Variants in ICE2 observed in about 807,000 individuals in gnomAD.
ICE2 encodes the protein interactor of little elongation complex ELL subunit 2.
In ICE2, 87 loss-of-function variants were observed where a neutral mutation model predicts 105.4. The observed-to-expected ratio is 0.83, with a 90% confidence interval of 0.69 to 0.99. The LOEUF (loss-of-function observed/expected upper bound fraction) is 0.99. Among genes scored for constraint, ICE2 ranks in the 50% least tolerant of loss-of-function variants. ICE2 has a pLI of 0.00. For missense variants in ICE2, 1,323 were observed against 1,146.7 expected (o/e 1.15, Z -2.22); for synonymous variants, 399 against 392.0 (o/e 1.02, Z -0.21).
intron 12 of ICE2, among the ~76,000 whole-genome samples, 166 bp from the exon 13 acceptor site, chr15:60,436,393 A>G (rs2063587641): frequency 1.3e-5 from 2 of 152,188 alleles, no homozygotes; most frequent in Non-Finnish European, 2.9e-5. Context: ...AAGTAAAGCT[A>G]TATTTTAAAA....
intron 5 of ICE2, among the ~76,000 whole-genome samples, chr15:60,461,668 G>A (rs566891735): frequency 5.3e-5 from 8 of 152,270 alleles, no homozygotes; most frequent in Admixed American, 5.2e-4. Context: ...TGTTGTGAGT[G>A]TAATGTGGGA....
At chr15:60,438,738 C>A (rs2063651573) in intron 12 of ICE2, 1 of 152,220 alleles carries the variant, frequency 6.6e-6, no homozygotes, top group Non-Finnish European at 1.5e-5. Flanking sequence ...GAGTTCACAA[C>A]TCTCTCAACA....
In ICE2 at chr15:60,422,760, A is replaced by G. The variant is rs992689919; in HGVS notation, c.*874T>C. 3 of 151,882 alleles carry G rather than the reference A, an allele frequency of 2.0e-5. No homozygotes were observed. Among genetic ancestry groups the G allele is most frequent in the Admixed American group, 2.0e-4 (3 of 15,222 alleles). 9.4% of individuals were successfully genotyped at this position (151,882 alleles called of 1,614,324 possible). ...AGGATGAGGCAGGAGAATCGCTTTA[A>G]TCCAGGAGGTGGATGTTGTGGTGAG... On this transcript the variant is annotated 3_prime_UTR_variant, in exon 16 of 16. Transcript: ENST00000261520.
chr15:60,453,591 A>C lies in ICE2; in HGVS notation c.1125+12T>G. 1 of 1,609,782 alleles carries C rather than the reference A, an allele frequency of 6.2e-7. No individual in the cohort carries two copies. Among genetic ancestry groups the C allele is most frequent in the African/African-American group, 1.3e-5 (1 of 74,760 alleles). On this transcript the variant is annotated intron_variant, in intron 9 of 15. Transcript: ENST00000261520. ...TACATTCCCCTTAGGGGAAAAAAAAAGCATTACATACGTCCATTTCAGATA... is the reference window on the plus strand; with the variant it reads ...TACATTCCCCTTAGGGGAAAAAAAACGCATTACATACGTCCATTTCAGATA...
rs1213668745 is a variant in ICE2 at position 60,455,096 on chromosome 15, T to G, written c.850A>C (p.Ser284Arg). Residue 284 changes from serine (S) to arginine (R), a missense_variant, in exon 8 of 16, where the codon AGT becomes CGT. By Grantham distance (110) the Ser-to-Arg change is moderately radical (BLOSUM62 -1). Coordinates refer to ENST00000261520, the MANE Select transcript of ICE2 (RefSeq NM_024611.6). Reference sequence around the variant, plus strand: ...TTTAATAAGGTAAATAATGACTGACTAGTTAGAGCTATCTGAGGGTGATAT... The same window carrying G: ...TTTAATAAGGTAAATAATGACTGACGAGTTAGAGCTATCTGAGGGTGATAT... ...SRYHPQIALTSQSLFTLLNNH... is the reference protein window; with the variant it reads ...SRYHPQIALTRQSLFTLLNNH... The G allele has an allele frequency of 6.2e-7, 1 of 1,602,362 alleles. No homozygotes were observed. The highest frequency in any genetic ancestry group is 8.5e-7 in the Non-Finnish European group (1 of 1,176,266).
At chr15:60,427,568 G>A (rs888815623) in intron 15 of ICE2, among the ~76,000 whole-genome samples, 51 of 152,216 alleles carry the variant, frequency 3.4e-4, no homozygotes, top group African/African-American at 1.2e-3. Flanking sequence ...ATGATTACAG[G>A]TGTGCACCAT....
At position 60,422,016 on chromosome 15, in the gene ICE2, G is replaced by A. The variant is rs1260796057; in HGVS notation, c.*1618C>T. ...GAATAGCTATTCTTTACACAGAATA[G>A]CTAAAAAATTTCAATGTGAAGCAAT... On this transcript the variant is annotated 3_prime_UTR_variant, in exon 16 of 16. Transcript: ENST00000261520. The A allele has an allele frequency of 6.6e-6, 1 of 151,626 alleles. No homozygotes were observed. The highest frequency in any genetic ancestry group is 2.4e-5 in the African/African-American group (1 of 41,236). 9.4% of individuals were successfully genotyped at this position (151,626 alleles called of 1,614,324 possible). A position where few individuals can be genotyped will look rare whatever the true frequency, so the allele number is the denominator to read the frequency against.
At chr15:60,467,831 ACTGCTAGTACTT>A (rs2064472251) in intron 4 of ICE2, among the ~76,000 whole-genome samples, 1 of 152,244 alleles carries the variant, frequency 6.6e-6, no homozygotes, top group African/African-American at 2.4e-5. Context: ...GTAAAATTCT[ACTGCTAGTACTT>A]AAGATGAACT....
chr15:60,478,235 A>T (rs7177567), intron 1 of ICE2, among the ~76,000 whole-genome samples, 166 bp from the exon 2 acceptor site: 1 of 152,234 alleles, frequency 6.6e-6, no homozygotes, highest in Non-Finnish European at 1.5e-5. Flanking sequence ...CAATGACGAT[A>T]CAGGACGAGC....
chr15:60,431,157 C>T (rs1265431163), intron 14 of ICE2, among the ~76,000 whole-genome samples: 1 of 152,002 alleles, frequency 6.6e-6, no homozygotes, highest in African/African-American at 2.4e-5. Flanking sequence ...CAGGCGTGAG[C>T]CACTGCGCCC....
Position 60,458,484 on chromosome 15 carries a change from T to C in ICE2, c.529-1690A>G, listed in dbSNP as rs80147105. ...TATGCAAAAACCATAAATCAACACATAGAGGAGAAACTAGAGCAGTGAGCA... is the reference window on the plus strand; with the variant it reads ...TATGCAAAAACCATAAATCAACACACAGAGGAGAAACTAGAGCAGTGAGCA... On this transcript the variant is annotated intron_variant, in intron 5 of 15. Coordinates refer to ENST00000261520, the MANE Select transcript of ICE2 (RefSeq NM_024611.6). 8.4e-3 allele frequency among the ~76,000 whole-genome samples: 1,279 copies of C among 152,084 alleles called. 16 individuals carry two copies. The highest frequency in any genetic ancestry group is 0.028 in the African/African-American group (1,157 of 41,476).
At position 60,448,083 on chromosome 15, in the gene ICE2, C is replaced by T. The variant is rs1461715650; in HGVS notation, c.2182G>A (p.Gly728Arg). 1.2e-6 allele frequency: 2 copies of T among 1,613,506 alleles called. No individual in the cohort carries two copies. The highest frequency in any genetic ancestry group is 1.1e-5 in the South Asian group (1 of 91,054). ...DTSEYLAPQE[G>R]NFVYKLFSLQ... ...CTAAATAACTTATAAACAAAATTTC[C>T]TTCCTGAGGAGCTAGGTATTCCGAT... is the stretch of plus-strand genomic sequence containing the variant. Residue 728 changes from glycine to arginine, a missense_variant, in exon 11 of 16, where the codon GGA (glycine) becomes AGA (arginine). Coordinates refer to ENST00000261520, the MANE Select transcript of ICE2 (RefSeq NM_024611.6).
intron 1 of ICE2, chr15:60,478,487 G>A (rs551639386): frequency 1.3e-4 from 24 of 178,142 alleles, no homozygotes; most frequent in Middle Eastern, 2.6e-3. Context: ...TCGATATCAG[G>A]AATCTTAGGC....
intron 5 of ICE2, among the ~76,000 whole-genome samples, chr15:60,465,535 A>T (rs1855674286): frequency 6.6e-6 from 1 of 152,142 alleles, no homozygotes; most frequent in South Asian, 2.1e-4. Flanking sequence ...CCTTCAACTT[A>T]GACTGGCTAG....
intron 3 of ICE2, among the ~76,000 whole-genome samples, chr15:60,470,325 A>G (rs1434761365): frequency 6.6e-6 from 1 of 152,214 alleles, no homozygotes; most frequent in Non-Finnish European, 1.5e-5. Flanking sequence ...CTAAGAACAT[A>G]ATGATCAGGG....
At position 60,449,274 on chromosome 15, in the gene ICE2, C is replaced by T. The variant is rs1265148879; in HGVS notation, c.1693G>A (p.Asp565Asn). The T allele has an allele frequency of 6.2e-7, 1 of 1,613,258 alleles. No individual in the cohort carries two copies. Among genetic ancestry groups the T allele is most frequent in the Non-Finnish European group, 8.5e-7 (1 of 1,179,998 alleles). ...TVGSEAAKTE[D>N]TVLCSSDTDE... ...GTATCACTGCTGCAGAGAACTGTAT[C>T]TTCAGTTTTTGCTGCTTCTGATCCA... The change falls in exon 10 of 16, where the codon GAT (aspartate) becomes AAT (asparagine). Residue 565 changes from aspartate to asparagine, a missense_variant. Coordinates refer to ENST00000261520, the MANE Select transcript of ICE2 (RefSeq NM_024611.6).
rs115894739 is a variant in ICE2, at chr15:60,462,724, G to A, written c.528+3870C>T. Among the ~76,000 whole-genome samples, 806 of 152,054 alleles carry A rather than the reference G, an allele frequency of 5.3e-3. 4 individuals are homozygous for A. The highest frequency in any genetic ancestry group is 0.019 in the African/African-American group (769 of 41,452). On this transcript the variant is annotated intron_variant, in intron 5 of 15. Coordinates refer to ENST00000261520, the MANE Select transcript of ICE2 (RefSeq NM_024611.6). ...AAAACATGCGCTCTCTCTGGCTCTC[G>A]CTCTCCCTCTCTCTCTCCCTCTATA... is the stretch of plus-strand genomic sequence containing the variant.
chr15:60,456,183 G>T (rs2064105240), intron 6 of ICE2, among the ~76,000 whole-genome samples: 2 of 151,612 alleles, frequency 1.3e-5, no homozygotes, highest in Non-Finnish European at 2.9e-5. Flanking sequence ...AAAAAGAAAG[G>T]GAAACAGATT....
intron 14 of ICE2, among the ~76,000 whole-genome samples, chr15:60,429,832 G>A (rs1327325747): frequency 1.3e-5 from 2 of 152,124 alleles, no homozygotes; most frequent in Admixed American, 1.3e-4. Flanking sequence ...TTCAAAGATT[G>A]AGTTTTAATC....
Sources: gnomAD v4.1 joint callset for allele counts (sites outside exome capture counted in the v4.1 genomes callset) on GRCh38, gnomAD v4.1.1 for gene constraint, MANE v1.5 for transcripts, NCBI Gene and HGNC (gene_info 2026-07-23, HGNC 2026-07-21) for gene names.